PLEKHH2: variants seen among roughly 807,000 people sequenced by gnomAD.
The protein encoded by PLEKHH2 is pleckstrin homology, MyTH4 and FERM domain containing H2.
In PLEKHH2, 129 loss-of-function variants were observed where a neutral mutation model predicts 187.9. The observed-to-expected ratio is 0.69, with a 90% confidence interval of 0.59 to 0.79. The LOEUF (loss-of-function observed/expected upper bound fraction) is 0.79, where lower values mean the gene tolerates loss of function less well. Ranked by LOEUF, PLEKHH2 falls within the 30% of genes least tolerant of loss-of-function variation. The pLI is 0.00. For synonymous variants in PLEKHH2, 686 were observed against 605.6 expected, an observed-to-expected ratio of 1.13 and a Z score of -1.95; for missense variants, 2,076 against 1,751.2, an observed-to-expected ratio of 1.19 and a Z score of -3.31.
rs940907959 is a variant in PLEKHH2 at position 43,640,275 on chromosome 2, A to G, written c.-4+2896A>G. Reference sequence around the variant, plus strand: ...CCAGGCTGGAGTGCAGTGTATGATCATAGCTCACTGCTCAAGTGATCCTCC... The same window carrying G: ...CCAGGCTGGAGTGCAGTGTATGATCGTAGCTCACTGCTCAAGTGATCCTCC... On this transcript the variant is annotated intron_variant, in intron 1 of 29. Transcript: ENST00000282406. Among the ~76,000 whole-genome samples, 3 of 150,740 alleles carry G rather than the reference A, an allele frequency of 2.0e-5. No individual in the cohort carries two copies. In the East Asian group the frequency reaches 5.9e-4, roughly 30 times the overall value.
At chr2:43,733,955 G>A (rs1671172237) in intron 19 of PLEKHH2, among the ~76,000 whole-genome samples, 1 of 152,142 alleles carries the variant, frequency 6.6e-6, no homozygotes. Context: ...AAATATAAAT[G>A]ACCAAAATTG....
intron 16 of PLEKHH2, among the ~76,000 whole-genome samples, chr2:43,724,671 C>T (rs374457516): frequency 1.1e-4 from 16 of 152,266 alleles, no homozygotes; most frequent in Non-Finnish European, 1.9e-4. Flanking sequence ...GATGATAGTT[C>T]GTTTTGCACT....
Position 43,733,179 on chromosome 2 carries a change from C to T in PLEKHH2, c.2943+1577C>T, listed in dbSNP as rs557669292. Reference sequence around the variant, plus strand: ...AGATCGAGACCATCCTGGCTAACACCATGAAACCCTGTCTCTACTTAAAAA... The same window carrying T: ...AGATCGAGACCATCCTGGCTAACACTATGAAACCCTGTCTCTACTTAAAAA... On this transcript the variant is annotated intron_variant, in intron 19 of 29. Coordinates refer to ENST00000282406, the MANE Select transcript of PLEKHH2 (RefSeq NM_172069.4). 3.3e-5 allele frequency among the ~76,000 whole-genome samples: 5 copies of T among 152,014 alleles called. No individual in the cohort carries two copies. In the East Asian group the frequency reaches 5.8e-4, roughly 18 times the overall value.
At chr2:43,731,654 G>A in intron 19 of PLEKHH2, 52 bp downstream of exon 19, 1 of 1,145,168 alleles carries the variant, frequency 8.7e-7, no homozygotes, top group African/African-American at 1.6e-5. Context: ...CTTATATGTT[G>A]TTAAATAATT....
At chr2:43,707,020 A>C (rs1028011983) in intron 10 of PLEKHH2, among the ~76,000 whole-genome samples, 2 of 152,032 alleles carry the variant, frequency 1.3e-5, no homozygotes, top group African/African-American at 4.8e-5. Flanking sequence ...ACATGGCGAA[A>C]CCCTGTCTCT....
intron 24 of PLEKHH2, among the ~76,000 whole-genome samples, chr2:43,750,102 G>A (rs938733577): frequency 4.6e-5 from 7 of 152,206 alleles, no homozygotes; most frequent in Non-Finnish European, 1.0e-4. Context: ...GCCATAGCCA[G>A]AAGTTTAAGC....
Position 43,644,715 on chromosome 2 carries a change from G to A in PLEKHH2, c.42G>A (p.Lys14=), listed in dbSNP as rs1666105106. 6.2e-7 allele frequency: 1 copy of A among 1,608,092 alleles called. No individual in the cohort carries two copies. The highest frequency in any genetic ancestry group is 1.1e-5 in the South Asian group (1 of 90,444). The stretch of plus-strand genomic sequence containing the variant: ...AGCCAGAGGGACCAGTAGATTGGAA[G>A]GAACGATGTGTAGCTCTGGAGTCCC... ...LSEPEGPVDW[K]ERCVALESQL... Residue 14 remains lysine (K), a synonymous_variant, in exon 2 of 30, where the codon AAG becomes AAA. Coordinates refer to ENST00000282406, the MANE Select transcript of PLEKHH2 (RefSeq NM_172069.4).
chr2:43,753,866 T>G, intron 25 of PLEKHH2, 106 bp downstream of exon 25: 1 of 1,026,708 alleles, frequency 9.7e-7, no homozygotes, highest in Non-Finnish European at 1.3e-6. Context: ...TACATTCGTT[T>G]TGCTACAATT....
In PLEKHH2 at chr2:43,742,986, G is replaced by C. The variant is rs77099434; in HGVS notation, c.3399+68G>C. On this transcript the variant is annotated intron_variant, in intron 22 of 29. Coordinates refer to ENST00000282406, the MANE Select transcript of PLEKHH2 (RefSeq NM_172069.4). Reference sequence around the variant, plus strand: ...TACAACCTCTGTTATAGGGAACAGAGACTTCTCTGCTTACTTTTGTCAGCA... The same window carrying C: ...TACAACCTCTGTTATAGGGAACAGACACTTCTCTGCTTACTTTTGTCAGCA... The C allele has an allele frequency of 3.1e-3, 3,912 of 1,246,534 alleles. 108 individuals are homozygous for C. The African/African-American group carries it at 0.054, about 17-fold the overall frequency. 77.2% of individuals were successfully genotyped at this position (1,246,534 alleles called of 1,614,324 possible).
At chr2:43,702,570 C>G (rs879288801) in intron 8 of PLEKHH2, among the ~76,000 whole-genome samples, 10 of 69,370 alleles carry the variant, frequency 1.4e-4, no homozygotes, top group African/African-American at 5.0e-4. Context: ...TTCTCTTACT[C>G]TTTTGAAGCT....
At chr2:43,718,327 C>G (rs895335016) in intron 15 of PLEKHH2, among the ~76,000 whole-genome samples, 1 of 152,072 alleles carries the variant, frequency 6.6e-6, no homozygotes, top group African/African-American at 2.4e-5. Context: ...ATCACAAGGT[C>G]AAGAGATTGA....
At chr2:43,696,759 A>T (rs1449666156) in intron 6 of PLEKHH2, among the ~76,000 whole-genome samples, 1 of 152,176 alleles carries the variant, frequency 6.6e-6, no homozygotes, top group East Asian at 1.9e-4. Flanking sequence ...TATTTCGGCA[A>T]CCAGGACCTC....
intron 11 of PLEKHH2, among the ~76,000 whole-genome samples, chr2:43,709,336 A>T (rs1421160656): frequency 1.3e-5 from 2 of 152,252 alleles, no homozygotes; most frequent in Non-Finnish European, 2.9e-5. Context: ...AAGTTAAGAA[A>T]TTTAAAATGT....
chr2:43,655,120 C>T (rs1430287454), intron 2 of PLEKHH2, among the ~76,000 whole-genome samples: 2 of 152,154 alleles, frequency 1.3e-5, no homozygotes, highest in African/African-American at 2.4e-5. Context: ...GCAAGAGGAT[C>T]GCCTGAGCCC....
Position 43,764,229 on chromosome 2 carries a change from G to T in PLEKHH2, c.4160G>T (p.Arg1387Met). Reference protein sequence around the residue: ...GLSLLEYNSMRLIVSYVYKSL... With the variant: ...GLSLLEYNSMMLIVSYVYKSL... ...ATATACTTTTTCTTATCTTTAAAGA[G>T]GTTAATAGTCAGCTATGTGTACAAG... The change falls in exon 29 of 30, where the codon AGG becomes ATG. Residue 1387 changes from arginine (R) to methionine (M), a missense_variant and splice_region_variant. By Grantham distance (91) the Arg-to-Met change is moderately conservative (BLOSUM62 -1). Transcript: ENST00000282406. 6.8e-7 allele frequency: 1 copy of T among 1,478,836 alleles called. No homozygotes were observed. The highest frequency in any genetic ancestry group is 9.0e-7 in the Non-Finnish European group (1 of 1,107,886). 91.6% of individuals were successfully genotyped at this position (1,478,836 alleles called of 1,614,324 possible).
intron 3 of PLEKHH2, chr2:43,681,093 C>T: frequency 9.2e-7 from 1 of 1,091,034 alleles, no homozygotes; most frequent in Non-Finnish European, 1.4e-6. Context: ...TGAATGCCAA[C>T]CAACTCCAGA....
At chr2:43,743,778 TCA>T in intron 22 of PLEKHH2, 54 bp from the exon 23 acceptor site, 1 of 1,456,382 alleles carries the variant, frequency 6.9e-7, no homozygotes, top group South Asian at 1.4e-5. Context: ...CCTTAAAATC[TCA>T]GTTTGAAACT....
chr2:43,719,716 G>A (rs1022166335), intron 15 of PLEKHH2, among the ~76,000 whole-genome samples: 14 of 152,230 alleles, frequency 9.2e-5, no homozygotes, highest in Admixed American at 9.2e-4. Context: ...GGGATTACAG[G>A]CGTGAGCCAC....
Position 43,668,685 on chromosome 2 carries a change from G to T in PLEKHH2, c.124-10178G>T, listed in dbSNP as rs930193. ...TAGAACTACAGGATCAAAACTTTTT[G>T]ATTAAAGCCCAGCACAATGGTACCT... is the stretch of plus-strand genomic sequence containing the variant. On this transcript the variant is annotated intron_variant, in intron 2 of 29. Coordinates refer to ENST00000282406, the MANE Select transcript of PLEKHH2 (RefSeq NM_172069.4). Among the ~76,000 whole-genome samples the T allele has an allele frequency of 3.3e-3, 501 of 152,240 alleles. 2 individuals are homozygous for T. The highest frequency in any genetic ancestry group is 0.012 in the African/African-American group (489 of 41,548).
Sources: gnomAD v4.1 joint callset for allele counts (sites outside exome capture counted in the v4.1 genomes callset) on GRCh38, gnomAD v4.1.1 for gene constraint, MANE v1.5 for transcripts, NCBI Gene and HGNC (gene_info 2026-07-23, HGNC 2026-07-21) for gene names.